Variants in RAD21L1 observed in about 807,000 individuals in gnomAD.
The protein encoded by RAD21L1 is double-strand-break repair protein rad21-like protein 1.
RAD21L1 carries 47 observed loss-of-function variants against 69.0 expected under a neutral mutation model. The ratio of observed to expected loss-of-function variants is 0.68; its 90% confidence interval spans 0.54 to 0.87. The LOEUF is 0.87. Among genes scored for constraint, RAD21L1 ranks in the 40% least tolerant of loss-of-function variants. RAD21L1 has a pLI of 0.00. For missense variants in RAD21L1, 583 were observed against 647.6 expected (o/e 0.90, Z 1.08); for synonymous variants, 177 against 205.8 (o/e 0.86, Z 1.20).
chr20:1,248,749 A>C, intron 13 of RAD21L1, 46 bp downstream of exon 13: 1 of 1,107,292 alleles, frequency 9.0e-7, no homozygotes. Flanking sequence ...TTAAAAAATA[A>C]GTAAATACTG....
Position 1,243,202 on chromosome 20 carries a change from ACTT to A in RAD21L1, c.1183+10_1183+12del. 5 of 1,371,180 alleles carry A rather than the reference ACTT, an allele frequency of 3.6e-6. No homozygotes were observed. The highest frequency in any genetic ancestry group is 4.0e-6 in the Non-Finnish European group (4 of 1,005,854). The allele number at this position is 1,371,180 out of a possible 1,614,324, so 84.9% of individuals were successfully genotyped here. ...GGGAAACCAAAATATAGTAGGTGAG[ACTT>A]CTTAATTCTGTTGATGTTGAGGGGA... On this transcript the variant is annotated splice_region_variant and intron_variant, in intron 10 of 13. Coordinates refer to ENST00000683101, the MANE Select transcript of RAD21L1 (RefSeq NM_001384355.1).
intron 13 of RAD21L1, among the ~76,000 whole-genome samples, chr20:1,250,275 A>T (rs1239669511): frequency 7.7e-6 from 1 of 129,668 alleles, no homozygotes; most frequent in East Asian, 2.5e-4. Context: ...TTATTATACT[A>T]TGAGTTTTAG....
chr20:1,247,786 C>T (rs528651755), intron 12 of RAD21L1, among the ~76,000 whole-genome samples: 1 of 152,130 alleles, frequency 6.6e-6, no homozygotes, highest in South Asian at 2.1e-4. Context: ...GCTAGACAGA[C>T]AGTGGACATG....
rs2087890500 is a variant in RAD21L1 at position 1,254,221 on chromosome 20, A to G, written c.1480-48A>G. ...CGCATTTATAGCCGGCTTTACTTCT[A>G]ATGATCTTGTTTCCCATTTCTTTTT... On this transcript the variant is annotated intron_variant, in intron 13 of 13. Transcript: ENST00000683101. 16 of 1,316,906 alleles carry G rather than the reference A, an allele frequency of 1.2e-5. No homozygotes were observed. The East Asian group carries it at 4.2e-4, about 34-fold the overall frequency. The allele number at this position is 1,316,906 out of a possible 1,614,324, so 81.6% of individuals were successfully genotyped here. A position where few individuals can be genotyped will look rare whatever the true frequency, so the allele number is the denominator to read the frequency against.
chr20:1,234,212 A>C, intron 5 of RAD21L1, 21 bp downstream of exon 5: 1 of 1,059,686 alleles, frequency 9.4e-7, no homozygotes, highest in Non-Finnish European at 1.4e-6. Flanking sequence ...TTGAGAACTC[A>C]AAATTACAAA....
Position 1,228,409 on chromosome 20 carries a change from G to T in RAD21L1, c.-32-13G>T. On this transcript the variant is annotated splice_polypyrimidine_tract_variant and intron_variant, in intron 1 of 13. Transcript: ENST00000683101. ...GTAATAAAATTTTAAATTTCTTTTC[G>T]TGTTCTCTCTAGTTTGTTAAATACA... The T allele has an allele frequency of 2.3e-6, 3 of 1,325,146 alleles. No homozygotes were observed. Among genetic ancestry groups the T allele is most frequent in the Non-Finnish European group, 2.9e-6 (3 of 1,021,990 alleles). 82.1% of individuals were successfully genotyped at this position (1,325,146 alleles called of 1,614,324 possible).
At chr20:1,247,894 A>G (rs73579303) in intron 12 of RAD21L1, among the ~76,000 whole-genome samples, 8,095 of 151,314 alleles carry the variant, frequency 0.053, 725 homozygotes, top group African/African-American at 0.18. Context: ...CCTTCCCCCA[A>G]CCCTTTGTAA....
chr20:1,243,032 T>G (rs2087647736), intron 9 of RAD21L1, 65 bp from the exon 10 acceptor site: 1 of 1,048,690 alleles, frequency 9.5e-7, no homozygotes, highest in African/African-American at 1.6e-5. Context: ...AGATATGTGC[T>G]TGTGTTTTCT....
chr20:1,241,765 A>G (rs1008128219), intron 8 of RAD21L1, among the ~76,000 whole-genome samples: 3 of 152,208 alleles, frequency 2.0e-5, no homozygotes, highest in African/African-American at 7.2e-5. Context: ...ACTGAGGCAC[A>G]TCAGCCAGCA....
At chr20:1,249,900 C>T (rs1057330279) in intron 13 of RAD21L1, among the ~76,000 whole-genome samples, 20 of 151,956 alleles carry the variant, frequency 1.3e-4, no homozygotes, top group African/African-American at 4.8e-4. Flanking sequence ...TACATGTGCA[C>T]AACGTGCAGG....
chr20:1,228,369 CAAT>C (rs1408429883), intron 1 of RAD21L1, 50 bp from the exon 2 acceptor site: 9 of 869,440 alleles, frequency 1.0e-5, no homozygotes, highest in Middle Eastern at 3.0e-4. Flanking sequence ...TTTCTTATAG[CAAT>C]AAAAAGTTTT....
At chr20:1,232,920 A>G (rs1049525595) in intron 4 of RAD21L1, among the ~76,000 whole-genome samples, 1 of 152,176 alleles carries the variant, frequency 6.6e-6, no homozygotes, top group Non-Finnish European at 1.5e-5. Flanking sequence ...GGGCTCCACC[A>G]TCATAAGTGA....
chr20:1,241,834 A>G (rs1487526278), intron 8 of RAD21L1, among the ~76,000 whole-genome samples: 1 of 152,190 alleles, frequency 6.6e-6, no homozygotes, highest in African/African-American at 2.4e-5. Flanking sequence ...ATCCTGAGAA[A>G]TCTAACCCTC....
intron 5 of RAD21L1, 41 bp from the exon 6 acceptor site, chr20:1,238,003 G>A (rs901418643): frequency 9.0e-7 from 1 of 1,105,790 alleles, no homozygotes; most frequent in East Asian, 2.6e-5. Flanking sequence ...CTATAATTCT[G>A]TGTTTCTATG....
rs572956194 is a variant in RAD21L1, at chr20:1,254,997, T to C, written c.*540T>C. ...CATTGGAGTATTTACTTGAATTTTATGGGGTTAATGAAAACATCATTATTT... is the reference window on the plus strand; with the variant it reads ...CATTGGAGTATTTACTTGAATTTTACGGGGTTAATGAAAACATCATTATTT... On this transcript the variant is annotated 3_prime_UTR_variant, in exon 14 of 14. Coordinates refer to ENST00000683101, the MANE Select transcript of RAD21L1 (RefSeq NM_001384355.1). Among the ~76,000 whole-genome samples the C allele has an allele frequency of 1.9e-4, 29 of 152,310 alleles. No individual in the cohort carries two copies. The highest frequency in any genetic ancestry group is 6.7e-4 in the African/African-American group (28 of 41,570).
intron 13 of RAD21L1, among the ~76,000 whole-genome samples, chr20:1,253,559 AGT>A (rs2087878462): frequency 6.6e-6 from 1 of 152,180 alleles, no homozygotes; most frequent in Non-Finnish European, 1.5e-5. Flanking sequence ...GGCCTCCCAA[AGT>A]GCTGGGATTA....
chr20:1,240,533 C>A, intron 8 of RAD21L1, 99 bp downstream of exon 8: 1 of 1,435,536 alleles, frequency 7.0e-7, no homozygotes, highest in Non-Finnish European at 9.1e-7. Flanking sequence ...AGGAGATAGT[C>A]AATCTAGTAA....
At chr20:1,250,205 A>T (rs149167030) in intron 13 of RAD21L1, among the ~76,000 whole-genome samples, 3,266 of 150,088 alleles carry the variant, frequency 0.022, 122 homozygotes, top group African/African-American at 0.075. Context: ...TTATGGCTGC[A>T]TAGTATTCCA....
At chr20:1,241,626 T>C (rs991614559) in intron 8 of RAD21L1, among the ~76,000 whole-genome samples, 1 of 152,090 alleles carries the variant, frequency 6.6e-6, no homozygotes, top group Non-Finnish European at 1.5e-5. Flanking sequence ...GGGAGGGGTA[T>C]GGAAGGTGGA....
Sources: allele counts gnomAD v4.1 joint callset (sites outside exome capture counted in the v4.1 genomes callset), GRCh38; gene constraint gnomAD v4.1.1; transcripts MANE v1.5; gene names NCBI Gene and HGNC (gene_info 2026-07-23, HGNC 2026-07-21).